The following KHDRBS2 variants were observed in gnomAD, a reference collection of about 807,000 sequenced individuals.
The protein encoded by KHDRBS2 is KH RNA binding domain containing, signal transduction associated 2, also known as KH domain-containing, RNA-binding, signal transduction-associated protein 2.
In KHDRBS2, 26 loss-of-function variants were observed where a neutral mutation model predicts 44.3. That is an observed-to-expected ratio of 0.59 (90% CI 0.43 to 0.81). The LOEUF is 0.81. Among genes scored for constraint, KHDRBS2 ranks in the 40% least tolerant of loss-of-function variants. KHDRBS2 has a pLI of 0.00. For missense variants in KHDRBS2, 476 were observed against 433.1 expected (o/e 1.10, Z -0.88); for synonymous variants, 194 against 151.1 (o/e 1.28, Z -2.08).
At chr6:61,954,869 CAT>C (rs1288637298) in intron 4 of KHDRBS2, among the ~76,000 whole-genome samples, 2 of 78,276 alleles carry the variant, frequency 2.6e-5, no homozygotes, top group Non-Finnish European at 5.3e-5. Context: ...TATACACATA[CAT>C]ATGTGTATAT....
chr6:61,555,807 C>T, the KHDRBS2 span, among the ~76,000 whole-genome samples: 2 of 152,158 alleles, frequency 1.3e-5, no homozygotes, highest in Admixed American at 6.5e-5. Context: ...GATCAACACT[C>T]CTGGGCTATA....
intron 4 of KHDRBS2, among the ~76,000 whole-genome samples, chr6:61,905,029 T>C (rs1455237855): frequency 3.3e-5 from 5 of 152,226 alleles, no homozygotes; most frequent in Non-Finnish European, 7.3e-5. Context: ...GACTGCTTGT[T>C]ACTCTTTTAC....
intron 6 of KHDRBS2, among the ~76,000 whole-genome samples, chr6:61,797,190 A>G (rs1473441737): frequency 6.6e-6 from 1 of 152,148 alleles, no homozygotes; most frequent in African/African-American, 2.4e-5. Flanking sequence ...TCTGTTTCAC[A>G]TAGCAGTTAG....
the KHDRBS2 span, among the ~76,000 whole-genome samples, chr6:61,588,399 C>A: frequency 2.0e-5 from 3 of 152,144 alleles, no homozygotes; most frequent in African/African-American, 7.2e-5. Flanking sequence ...TTTCTTTAAC[C>A]TCCATTATGG....
At chr6:62,039,627 A>G (rs556053651) in intron 3 of KHDRBS2, among the ~76,000 whole-genome samples, 84 of 152,176 alleles carry the variant, frequency 5.5e-4, no homozygotes, top group African/African-American at 1.9e-3. Context: ...TTCTTCCTTC[A>G]ATAAAATGTA....
At chr6:62,132,472 T>C (rs1462933251) in intron 2 of KHDRBS2, among the ~76,000 whole-genome samples, 2 of 152,308 alleles carry the variant, frequency 1.3e-5, no homozygotes, top group East Asian at 1.9e-4. Flanking sequence ...CAATATCTTG[T>C]CTCGTTACAA....
chr6:61,728,260 G>A (rs1282780672), intron 7 of KHDRBS2, among the ~76,000 whole-genome samples: 2 of 151,976 alleles, frequency 1.3e-5, no homozygotes, highest in Non-Finnish European at 2.9e-5. Flanking sequence ...GACACACAGG[G>A]GGAGCAAGAC....
At chr6:61,763,422 T>G (rs1779556653) in intron 6 of KHDRBS2, among the ~76,000 whole-genome samples, 1 of 152,174 alleles carries the variant, frequency 6.6e-6, no homozygotes, top group Non-Finnish European at 1.5e-5. Context: ...ATTTGGAACA[T>G]CATCTGAACA....
At chr6:61,653,042 G>A in the KHDRBS2 span, among the ~76,000 whole-genome samples, 5 of 152,084 alleles carry the variant, frequency 3.3e-5, no homozygotes, top group East Asian at 5.8e-4. Context: ...AACAGAGCAT[G>A]GCTGAGCTCA....
chr6:61,978,917 C>CT (rs1410212744), intron 3 of KHDRBS2, among the ~76,000 whole-genome samples: 1 of 151,974 alleles, frequency 6.6e-6, no homozygotes, highest in African/African-American at 2.4e-5. Context: ...CCATTAATTG[C>CT]TTTTAATGGC....
chr6:61,959,292 A>C lies in KHDRBS2; in HGVS notation c.483+18774T>G, dbSNP rs189304179. On this transcript the variant is annotated intron_variant, in intron 4 of 8. Coordinates refer to ENST00000281156, the MANE Select transcript of KHDRBS2 (RefSeq NM_152688.4). ...CCTGTATTTACAACACAAGTAAATC[A>C]AGTCTGGTAGCTCTTAATAAAGTCA... is the stretch of plus-strand genomic sequence containing the variant. Among the ~76,000 whole-genome samples the C allele has an allele frequency of 2.0e-3, 298 of 152,322 alleles. 2 individuals carry two copies. Among genetic ancestry groups the C allele is most frequent in the African/African-American group, 6.8e-3 (282 of 41,586 alleles).
At chr6:62,106,327 G>A (rs1191068974) in intron 2 of KHDRBS2, among the ~76,000 whole-genome samples, 1 of 151,998 alleles carries the variant, frequency 6.6e-6, no homozygotes, top group African/African-American at 2.4e-5. Context: ...CAATTCCAGG[G>A]GATCCTTGTT....
At chr6:62,106,405 T>C (rs986023356) in intron 2 of KHDRBS2, among the ~76,000 whole-genome samples, 1 of 152,126 alleles carries the variant, frequency 6.6e-6, no homozygotes, top group Non-Finnish European at 1.5e-5. Flanking sequence ...TATTATTGTG[T>C]GGGAGTCTAA....
rs542084033 is a variant in KHDRBS2 at position 61,681,053 on chromosome 6, T to G, written c.960A>C (p.Glu320Asp). Residue 320 changes from glutamate to aspartate, a missense_variant, in exon 9 of 9, where the codon GAA becomes GAC. Physicochemically the swap from Glu to Asp is conservative, Grantham distance 45. Coordinates refer to ENST00000281156, the MANE Select transcript of KHDRBS2 (RefSeq NM_152688.4). ...AGCTAGAGCGGGTTGTGGCCCATTC[T>G]TCTGGTGCTGTGAAAAAGAGAAAGA... ...SEDAYDSYAP[E>D]EWATTRSSLK... 1 of 1,610,544 alleles carries G rather than the reference T, an allele frequency of 6.2e-7. No individual in the cohort carries two copies. The highest frequency in any genetic ancestry group is 1.3e-5 in the African/African-American group (1 of 74,806).
the KHDRBS2 span, among the ~76,000 whole-genome samples, chr6:61,577,662 G>A: frequency 9.9e-4 from 151 of 152,146 alleles, no homozygotes; most frequent in Admixed American, 3.2e-3. Context: ...AGTAAAATAA[G>A]AAATATACTA....
Position 61,894,823 on chromosome 6 carries a change from C to T in KHDRBS2, c.622G>A (p.Gly208Ser). 6.2e-7 allele frequency: 1 copy of T among 1,611,386 alleles called. No individual in the cohort carries two copies. The highest frequency in any genetic ancestry group is 1.3e-5 in the African/African-American group (1 of 74,892). Residue 208 changes from glycine (G) to serine (S), a missense_variant, in exon 6 of 9, where the codon GGT becomes AGT. Transcript: ENST00000281156. ...APTAPSRGRG[G>S]AIPPPPPPGR... is the part of the protein sequence containing the mutation. ...GGTGGTGGGGGAGGAGGAATGGCAC[C>T]CCCACGGCCCCTAAGAGAAACAAGT...
intron 2 of KHDRBS2, among the ~76,000 whole-genome samples, chr6:62,154,436 G>A (rs1451592081): frequency 6.6e-6 from 1 of 152,112 alleles, no homozygotes; most frequent in Admixed American, 6.6e-5. Flanking sequence ...ATTACTTCTT[G>A]AAGATATCAA....
chr6:61,831,201 A>G (rs1791740191), intron 6 of KHDRBS2, among the ~76,000 whole-genome samples: 1 of 152,118 alleles, frequency 6.6e-6, no homozygotes, highest in Admixed American at 6.5e-5. Flanking sequence ...TACCAAAGGA[A>G]CTCAGAGCTT....
rs546796326 is a variant in KHDRBS2, at chr6:62,086,256, C to T, written c.220-38262G>A. ...AAGGAAAAGAAGACTAGGGAAATGA[C>T]AGCACTACTGAGTACTTCAAAGTGA... On this transcript the variant is annotated intron_variant, in intron 2 of 8. Transcript: ENST00000281156. 4.6e-5 allele frequency among the ~76,000 whole-genome samples: 7 copies of T among 152,202 alleles called. 1 individual carries two copies. The highest frequency in any genetic ancestry group is 1.4e-4 in the African/African-American group (6 of 41,538).
Sources: allele counts gnomAD v4.1 joint callset (sites outside exome capture counted in the v4.1 genomes callset), GRCh38; gene constraint gnomAD v4.1.1; transcripts MANE v1.5; gene names NCBI Gene and HGNC (gene_info 2026-07-23, HGNC 2026-07-21).